TMEM132B: variants seen among roughly 807,000 people sequenced by gnomAD.
The protein encoded by TMEM132B is transmembrane protein 132B.
Under a neutral mutation model 90.8 loss-of-function variants are expected in TMEM132B, and 18 were observed. That is an observed-to-expected ratio of 0.20 (90% CI 0.14 to 0.29). TMEM132B has a LOEUF of 0.29. TMEM132B is among the 10% of genes least tolerant of loss of function. TMEM132B has a pLI of 1.00. For missense variants in TMEM132B, 1,096 were observed against 1,326.8 expected (o/e 0.83, Z 2.70); for synonymous variants, 504 against 523.3 (o/e 0.96, Z 0.50).
Position 125,565,385 on chromosome 12 carries a change from CA to C in TMEM132B, c.1294-18465del, listed in dbSNP as rs1263386653. Among the ~76,000 whole-genome samples the C allele has an allele frequency of 3.3e-5, 5 of 152,354 alleles. No homozygotes were observed. In the East Asian group the frequency reaches 7.7e-4, roughly 24 times the overall value. ...TGGGCTCCGGCCCCACAGCAGCATC[CA>C]GGGGTGGGACCTGTGACTCCTGAAG... is the stretch of plus-strand genomic sequence containing the variant. On this transcript the variant is annotated intron_variant, in intron 4 of 8. Coordinates refer to ENST00000682704, the MANE Select transcript of TMEM132B (RefSeq NM_001366854.1).
intron 3 of TMEM132B, among the ~76,000 whole-genome samples, chr12:125,437,430 G>A (rs376373604): frequency 6.6e-6 from 1 of 152,180 alleles, no homozygotes; most frequent in Non-Finnish European, 1.5e-5. Flanking sequence ...CCTGTTTTCA[G>A]TGCTTTTGGG....
chr12:125,424,476 T>C (rs1438975365), intron 3 of TMEM132B, among the ~76,000 whole-genome samples: 1 of 152,246 alleles, frequency 6.6e-6, no homozygotes, highest in Non-Finnish European at 1.5e-5. Context: ...TAATAACTTT[T>C]CCTGTGTTTG....
At chr12:125,382,498 A>T (rs1878715409) in intron 2 of TMEM132B, among the ~76,000 whole-genome samples, 1 of 152,164 alleles carries the variant, frequency 6.6e-6, no homozygotes, top group Admixed American at 6.5e-5. Context: ...TGGGTGTCTG[A>T]GCCTGGTTCT....
chr12:125,296,484 C>T (rs748961543), intron 1 of TMEM132B, among the ~76,000 whole-genome samples: 17 of 152,236 alleles, frequency 1.1e-4, no homozygotes, highest in Non-Finnish European at 2.5e-4. Context: ...CCGGACCTCT[C>T]TGCTTCACAC....
At chr12:125,600,084 A>G (rs1885536304) in intron 5 of TMEM132B, among the ~76,000 whole-genome samples, 1 of 152,166 alleles carries the variant, frequency 6.6e-6, no homozygotes, top group Admixed American at 6.5e-5. Context: ...GGAGGATTTT[A>G]TTTTATAGAG....
intron 1 of TMEM132B, among the ~76,000 whole-genome samples, chr12:125,250,063 C>T (rs2136101236): frequency 6.6e-6 from 1 of 152,376 alleles, no homozygotes; most frequent in East Asian, 1.9e-4. Context: ...TTTTACACCC[C>T]TGACTGAGTC....
chr12:125,629,124 C>T (rs900055472), intron 5 of TMEM132B, among the ~76,000 whole-genome samples: 7 of 151,276 alleles, frequency 4.6e-5, no homozygotes, highest in Non-Finnish European at 4.4e-5. Context: ...ATAGCTTTGG[C>T]TATTCTGGGT....
intron 3 of TMEM132B, among the ~76,000 whole-genome samples, chr12:125,469,256 A>G (rs912615629): frequency 2.0e-5 from 3 of 151,858 alleles, no homozygotes; most frequent in African/African-American, 7.3e-5. Flanking sequence ...ATTTCCCTCT[A>G]CTCCTAGTTC....
At chr12:125,559,359 C>T (rs1251844572) in intron 4 of TMEM132B, among the ~76,000 whole-genome samples, 10 of 152,120 alleles carry the variant, frequency 6.6e-5, no homozygotes, top group South Asian at 2.1e-4. Context: ...AGTGAGACCT[C>T]GTCTTCCCCT....
chr12:125,447,236 A>G (rs547852460), intron 3 of TMEM132B, among the ~76,000 whole-genome samples: 11 of 152,030 alleles, frequency 7.2e-5, no homozygotes, highest in African/African-American at 1.9e-4. Flanking sequence ...TGGTCTTACT[A>G]TGTATTTTCC....
intron 5 of TMEM132B, among the ~76,000 whole-genome samples, chr12:125,596,387 G>C (rs1318140807): frequency 6.6e-6 from 1 of 152,278 alleles, no homozygotes; most frequent in African/African-American, 2.4e-5. Context: ...GCTTCCAGAA[G>C]CAAAAGATCA....
At chr12:125,357,979 C>T (rs1397809934) in intron 2 of TMEM132B, among the ~76,000 whole-genome samples, 1 of 152,242 alleles carries the variant, frequency 6.6e-6, no homozygotes, top group Non-Finnish European at 1.5e-5. Context: ...GGTGCGTTCT[C>T]CCGGTGCCCT....
chr12:125,243,215 C>T lies in TMEM132B; in HGVS notation c.67+56349C>T, dbSNP rs145540029. Among the ~76,000 whole-genome samples the T allele has an allele frequency of 7.5e-3, 1,142 of 151,404 alleles. 15 individuals are homozygous for T. Among genetic ancestry groups the T allele is most frequent in the African/African-American group, 0.026 (1,091 of 41,210 alleles). On this transcript the variant is annotated intron_variant, in intron 1 of 8. Coordinates refer to ENST00000682704, the MANE Select transcript of TMEM132B (RefSeq NM_001366854.1). ...CTGGAGTGCAGTGGCATGATCTTGG[C>T]TCACTGCAACCTCTGCCTCCTGAGT...
At chr12:125,283,856 C>T (rs1319897142) in intron 1 of TMEM132B, among the ~76,000 whole-genome samples, 1 of 152,162 alleles carries the variant, frequency 6.6e-6, no homozygotes, top group Non-Finnish European at 1.5e-5. Context: ...GTCGCAGAAT[C>T]CTAGATTTCC....
At chr12:125,207,061 G>T (rs1238314007) in intron 1 of TMEM132B, among the ~76,000 whole-genome samples, 1 of 152,172 alleles carries the variant, frequency 6.6e-6, no homozygotes, top group Non-Finnish European at 1.5e-5. Flanking sequence ...TGTACCACTG[G>T]TTATCAACCA....
At chr12:125,642,004 T>A (rs1354349226) in intron 5 of TMEM132B, among the ~76,000 whole-genome samples, 1 of 152,162 alleles carries the variant, frequency 6.6e-6, no homozygotes, top group African/African-American at 2.4e-5. Context: ...AATCTCTTTT[T>A]TTCTGAGCAG....
At position 125,349,382 on chromosome 12, in the gene TMEM132B, G is replaced by T; in HGVS notation, c.68-70G>T. 6.6e-7 allele frequency: 1 copy of T among 1,520,948 alleles called. No individual in the cohort carries two copies. The highest frequency in any genetic ancestry group is 1.3e-5 in the South Asian group (1 of 75,090). 94.2% of individuals were successfully genotyped at this position (1,520,948 alleles called of 1,614,324 possible). A position where few individuals can be genotyped will look rare whatever the true frequency, so the allele number is the denominator to read the frequency against. On this transcript the variant is annotated intron_variant, in intron 1 of 8. Transcript: ENST00000682704. The surrounding 1 kb of genome is among the most constrained non-coding windows in gnomAD (Gnocchi z 4.1). ...GCGGTTTGTTGGGGAGGTGGGTGGA[G>T]ACTGCACTGCATTTATTTCATTACA...
intron 4 of TMEM132B, among the ~76,000 whole-genome samples, chr12:125,534,593 T>G (rs1883747373): frequency 6.6e-6 from 1 of 151,970 alleles, no homozygotes; most frequent in Non-Finnish European, 1.5e-5. Context: ...ACAAAAATCA[T>G]CTTACTATGA....
chr12:125,362,904 C>G (rs1453195965), intron 2 of TMEM132B, among the ~76,000 whole-genome samples: 2 of 152,168 alleles, frequency 1.3e-5, no homozygotes, highest in African/African-American at 4.8e-5. Context: ...AGTGTTGAAC[C>G]CTAAAGAGCA....
Sources: gnomAD v4.1 joint callset for allele counts (sites outside exome capture counted in the v4.1 genomes callset) on GRCh38, gnomAD v4.1.1 for gene constraint, Gnocchi (gnomAD v3.1) non-coding constraint, MANE v1.5 for transcripts, NCBI Gene and HGNC (gene_info 2026-07-23, HGNC 2026-07-21) for gene names.